The following MCTP1 variants were observed in gnomAD, a reference collection of about 807,000 sequenced individuals.
MCTP1 encodes the protein multiple C2 and transmembrane domain-containing protein 1.
MCTP1 carries 69 observed loss-of-function variants against 120.6 expected under a neutral mutation model. The ratio of observed to expected loss-of-function variants is 0.57; its 90% CI spans 0.47 to 0.70. The LOEUF (loss-of-function observed/expected upper bound fraction) is 0.70. Among genes scored for constraint, MCTP1 ranks in the 30% least tolerant of loss-of-function variants. The pLI is 0.00. For missense variants in MCTP1, 1,203 were observed against 1,248.8 expected, an observed-to-expected ratio of 0.96 and a Z score of 0.55; for synonymous variants, 529 against 493.1, an observed-to-expected ratio of 1.07 and a Z score of -0.96.
chr5:95,033,225 T>C (rs1840616806), intron 1 of MCTP1, among the ~76,000 whole-genome samples: 1 of 152,068 alleles, frequency 6.6e-6, no homozygotes, highest in Non-Finnish European at 1.5e-5. Context: ...ATTCATTCTA[T>C]AAAACCAGTG....
rs182240246 is a variant in MCTP1 at position 94,917,281 on chromosome 5, T to C, written c.1350+615A>G. On this transcript the variant is annotated intron_variant, in intron 8 of 22. Transcript: ENST00000515393. ...GCTGGTACTTAGTTTTCTGAGGTAA[T>C]GCTCTCAACTAGGTCCTTGTTGAAT... Among the ~76,000 whole-genome samples, 440 of 152,256 alleles carry C rather than the reference T, an allele frequency of 2.9e-3. 4 individuals carry two copies. The highest frequency in any genetic ancestry group is 5.3e-4 in the Non-Finnish European group (36 of 68,012).
intron 1 of MCTP1, among the ~76,000 whole-genome samples, chr5:95,074,374 A>G (rs546890679): frequency 3.9e-5 from 6 of 152,360 alleles, no homozygotes; most frequent in African/African-American, 1.4e-4. Flanking sequence ...AGGGGCCACT[A>G]AGAGAGATGG....
chr5:94,996,727 A>G (rs1034797006), intron 2 of MCTP1, among the ~76,000 whole-genome samples: 15 of 152,300 alleles, frequency 9.8e-5, no homozygotes, highest in African/African-American at 3.6e-4. Context: ...GGTTGAATCC[A>G]TGGACATGGG....
chr5:95,163,543 G>T (rs1392543108), intron 1 of MCTP1, among the ~76,000 whole-genome samples: 1 of 152,156 alleles, frequency 6.6e-6, no homozygotes, highest in Non-Finnish European at 1.5e-5. Context: ...GAGAGCAGTA[G>T]GACTGCCTAA....
intron 1 of MCTP1, among the ~76,000 whole-genome samples, chr5:95,255,001 A>C (rs889384884): frequency 6.6e-6 from 1 of 152,184 alleles, no homozygotes. Context: ...ATCATTAGTA[A>C]ATTTCTCAAA....
intron 1 of MCTP1, among the ~76,000 whole-genome samples, chr5:95,274,165 T>C (rs1023195774): frequency 3.9e-5 from 6 of 152,194 alleles, no homozygotes; most frequent in African/African-American, 1.4e-4. Context: ...GCCCACACCC[T>C]AGCTTTCAGT....
chr5:95,187,932 T>C (rs1240768153), intron 1 of MCTP1, among the ~76,000 whole-genome samples: 1 of 152,200 alleles, frequency 6.6e-6, no homozygotes, highest in Non-Finnish European at 1.5e-5. Context: ...CCATTCTCCA[T>C]GATGTGATTA....
chr5:94,822,746 A>G (rs1785969896), intron 17 of MCTP1, among the ~76,000 whole-genome samples: 1 of 152,224 alleles, frequency 6.6e-6, no homozygotes, highest in African/African-American at 2.4e-5. Flanking sequence ...AATGATCGCC[A>G]TTCTAACTGG....
intron 10 of MCTP1, among the ~76,000 whole-genome samples, chr5:94,896,054 A>G (rs1037299904): frequency 6.6e-6 from 1 of 152,206 alleles, no homozygotes; most frequent in East Asian, 1.9e-4. Context: ...ACTGCATTCC[A>G]AGGTACTCTC....
At chr5:95,063,304 C>G (rs531459200) in intron 1 of MCTP1, among the ~76,000 whole-genome samples, 1 of 152,176 alleles carries the variant, frequency 6.6e-6, no homozygotes, top group Non-Finnish European at 1.5e-5. Flanking sequence ...ACTCAGGGAT[C>G]TTTTAATTTT....
At chr5:94,783,395 G>A (rs974444319) in intron 18 of MCTP1, among the ~76,000 whole-genome samples, 1 of 151,986 alleles carries the variant, frequency 6.6e-6, no homozygotes, top group Non-Finnish European at 1.5e-5. Context: ...GGTTTTAGAG[G>A]AGCTCTCGTA....
chr5:94,813,694 T>C (rs1030383606), intron 17 of MCTP1, among the ~76,000 whole-genome samples: 2 of 152,122 alleles, frequency 1.3e-5, no homozygotes, highest in African/African-American at 4.8e-5. Context: ...AAGACCAGCC[T>C]GGGCAACATA....
chr5:94,811,204 C>T (rs1171234232), intron 17 of MCTP1, among the ~76,000 whole-genome samples: 1 of 152,166 alleles, frequency 6.6e-6, no homozygotes, highest in Non-Finnish European at 1.5e-5. Context: ...TTTACCCTTG[C>T]TGCGTAATGT....
chr5:94,935,348 C>T (rs562719222), intron 5 of MCTP1, among the ~76,000 whole-genome samples: 1 of 152,110 alleles, frequency 6.6e-6, no homozygotes, highest in South Asian at 2.1e-4. Context: ...AAGGAGAAAT[C>T]ATCCCAACTG....
intron 8 of MCTP1, among the ~76,000 whole-genome samples, chr5:94,914,044 C>A (rs1809461100): frequency 6.6e-6 from 1 of 151,910 alleles, no homozygotes; most frequent in Non-Finnish European, 1.5e-5. Context: ...CTGGCTTAGA[C>A]TTTTATTAAA....
At chr5:95,168,537 G>A (rs1174293135) in intron 1 of MCTP1, among the ~76,000 whole-genome samples, 3 of 152,168 alleles carry the variant, frequency 2.0e-5, no homozygotes, top group Non-Finnish European at 2.9e-5. Context: ...AGCATGGAAT[G>A]AATGTTCTTC....
chr5:94,777,663 G>A (rs1222553241), intron 19 of MCTP1, among the ~76,000 whole-genome samples: 1 of 152,124 alleles, frequency 6.6e-6, no homozygotes, highest in African/African-American at 2.4e-5. Context: ...ATGATTCAGA[G>A]CTGGCATATT....
chr5:95,150,684 G>A (rs190427524), intron 1 of MCTP1, among the ~76,000 whole-genome samples: 6 of 152,272 alleles, frequency 3.9e-5, no homozygotes, highest in African/African-American at 1.4e-4. Flanking sequence ...TTCAAAGAAA[G>A]TGAAAAGAAC....
chr5:94,741,038 G>A (rs1179265182), intron 19 of MCTP1, among the ~76,000 whole-genome samples: 2 of 152,196 alleles, frequency 1.3e-5, no homozygotes, highest in Admixed American at 6.5e-5. Flanking sequence ...TGGGGAAGCT[G>A]TCAAGAGTCT....
Sources: gnomAD v4.1 joint callset for allele counts (sites outside exome capture counted in the v4.1 genomes callset) on GRCh38, gnomAD v4.1.1 for gene constraint, MANE v1.5 for transcripts, NCBI Gene and HGNC (gene_info 2026-07-23, HGNC 2026-07-21) for gene names.